SHROOM3: variants seen among roughly 807,000 people sequenced by gnomAD.
SHROOM3 encodes protein Shroom3.
A neutral mutation model predicts 138.6 loss-of-function variants in SHROOM3; 47 were observed. That is an observed-to-expected ratio of 0.34 (90% CI 0.27 to 0.43). The LOEUF is 0.43. Among genes scored for constraint, SHROOM3 ranks in the 20% least tolerant of loss-of-function variants. The pLI, the probability that SHROOM3 is intolerant of heterozygous loss-of-function variation, is 1.00. For synonymous variants in SHROOM3, 1,062 were observed against 1,063.3 expected (o/e 1.00, Z 0.02); for missense variants, 2,491 against 2,596.5 (o/e 0.96, Z 0.88).
At chr4:76,691,147 G>A (rs1422464212) in intron 2 of SHROOM3, among the ~76,000 whole-genome samples, 1 of 152,154 alleles carries the variant, frequency 6.6e-6, no homozygotes, top group Non-Finnish European at 1.5e-5. Context: ...TGGTTAATAT[G>A]TTTATTGGCT....
chr4:76,460,399 C>A (rs375354439), intron 1 of SHROOM3, among the ~76,000 whole-genome samples: 2 of 152,154 alleles, frequency 1.3e-5, no homozygotes, highest in African/African-American at 4.8e-5. Flanking sequence ...ACCACCGTTG[C>A]GACCTTTATG....
chr4:76,494,813 A>T (rs1731930905), intron 1 of SHROOM3, among the ~76,000 whole-genome samples: 1 of 152,174 alleles, frequency 6.6e-6, no homozygotes, highest in Non-Finnish European at 1.5e-5. Flanking sequence ...AATGTGCAAG[A>T]TACAGAATTT....
intron 2 of SHROOM3, among the ~76,000 whole-genome samples, chr4:76,582,546 G>A (rs1423965242): frequency 6.6e-6 from 1 of 152,094 alleles, no homozygotes; most frequent in Non-Finnish European, 1.5e-5. Flanking sequence ...ATTCATCTTG[G>A]TCTGCAGTTC....
chr4:76,669,427 C>A (rs1718811892), intron 2 of SHROOM3, among the ~76,000 whole-genome samples: 1 of 152,090 alleles, frequency 6.6e-6, no homozygotes, highest in African/African-American at 2.4e-5. Context: ...TCAAAACCAG[C>A]CTGGCCAACA....
chr4:76,752,011 T>A (rs1306299139), intron 6 of SHROOM3, among the ~76,000 whole-genome samples: 1 of 152,220 alleles, frequency 6.6e-6, no homozygotes, highest in African/African-American at 2.4e-5. Context: ...TTCACACCCA[T>A]GTTCATAGCA....
chr4:76,568,869 C>A (rs553327194), intron 2 of SHROOM3, among the ~76,000 whole-genome samples: 2 of 152,308 alleles, frequency 1.3e-5, no homozygotes, highest in Admixed American at 6.5e-5. Context: ...GGTTTACAAC[C>A]CTGCCCGTTC....
At chr4:76,618,040 C>T (rs1205999330) in intron 2 of SHROOM3, among the ~76,000 whole-genome samples, 1 of 152,228 alleles carries the variant, frequency 6.6e-6, no homozygotes, top group Non-Finnish European at 1.5e-5. Flanking sequence ...TGGCTCACGC[C>T]TGTAATCCCA....
chr4:76,520,907 T>A (rs935981269), intron 1 of SHROOM3, among the ~76,000 whole-genome samples: 1 of 152,152 alleles, frequency 6.6e-6, no homozygotes, highest in African/African-American at 2.4e-5. Flanking sequence ...TTCCCCAATA[T>A]TTGGGCAGCT....
intron 3 of SHROOM3, among the ~76,000 whole-genome samples, chr4:76,720,562 A>G (rs1431527002): frequency 6.6e-6 from 1 of 151,302 alleles, no homozygotes; most frequent in East Asian, 1.9e-4. Context: ...TCAAATATGC[A>G]TCATCTATTA....
chr4:76,597,125 C>T (rs550246783), intron 2 of SHROOM3, among the ~76,000 whole-genome samples: 1 of 152,306 alleles, frequency 6.6e-6, no homozygotes, highest in South Asian at 2.1e-4. Flanking sequence ...TAAAGAGACT[C>T]AGCAAAAGAG....
At chr4:76,774,603 AT>A (rs1045509065) in intron 10 of SHROOM3, among the ~76,000 whole-genome samples, 1 of 151,672 alleles carries the variant, frequency 6.6e-6, no homozygotes, top group African/African-American at 2.4e-5. Context: ...TATTTTATAT[AT>A]TTTTTAAGGT....
chr4:76,709,377 G>A (rs1720159153), intron 2 of SHROOM3, among the ~76,000 whole-genome samples: 1 of 152,148 alleles, frequency 6.6e-6, no homozygotes, highest in Admixed American at 6.5e-5. Flanking sequence ...CTGATGCAGG[G>A]GACAGTCTGA....
intron 1 of SHROOM3, among the ~76,000 whole-genome samples, chr4:76,454,104 C>T (rs930354384): frequency 6.6e-6 from 1 of 152,142 alleles, no homozygotes; most frequent in Non-Finnish European, 1.5e-5. Flanking sequence ...AGTGCAGTGG[C>T]ACCGTCTCAG....
In SHROOM3 at chr4:76,576,075, C is replaced by T. The variant is rs142225553; in HGVS notation, c.323+20312C>T. Among the ~76,000 whole-genome samples, 368 of 152,202 alleles carry T rather than the reference C, an allele frequency of 2.4e-3. 3 individuals are homozygous for T. The highest frequency in any genetic ancestry group is 4.0e-3 in the Non-Finnish European group (272 of 67,974). The stretch of plus-strand genomic sequence containing the variant: ...GGAATGCAAATTAGTACAACCACTA[C>T]GGAGAACAGTTCAAGGTTTCTCAAA... On this transcript the variant is annotated intron_variant, in intron 2 of 10. Transcript: ENST00000296043.
chr4:76,573,968 A>G (rs1328840956), intron 2 of SHROOM3, among the ~76,000 whole-genome samples: 13 of 152,120 alleles, frequency 8.5e-5, no homozygotes, highest in Admixed American at 7.9e-4. Context: ...GACCTACTCC[A>G]GTGACCTTCT....
intron 2 of SHROOM3, among the ~76,000 whole-genome samples, chr4:76,661,204 C>A (rs1238068927): frequency 6.6e-6 from 1 of 151,958 alleles, no homozygotes; most frequent in Non-Finnish European, 1.5e-5. Flanking sequence ...CTTGTGTAAT[C>A]CACATCCCTA....
chr4:76,755,751 C>T (rs768861026), intron 7 of SHROOM3, among the ~76,000 whole-genome samples: 6 of 152,206 alleles, frequency 3.9e-5, no homozygotes, highest in Non-Finnish European at 7.3e-5. Flanking sequence ...CTCAGCTTCT[C>T]TTTCCAAAAT....
chr4:76,722,623 A>T (rs973591358), intron 3 of SHROOM3, among the ~76,000 whole-genome samples: 2 of 152,146 alleles, frequency 1.3e-5, no homozygotes, highest in Non-Finnish European at 2.9e-5. Context: ...AAGCTTACCT[A>T]TATAACAAAC....
chr4:76,590,133 AAGAG>A (rs1167993637), intron 2 of SHROOM3, among the ~76,000 whole-genome samples: 1 of 152,194 alleles, frequency 6.6e-6, no homozygotes. Context: ...CTGTGACTGA[AAGAG>A]AGAGCATTAA....
Sources: allele counts gnomAD v4.1 joint callset (sites outside exome capture counted in the v4.1 genomes callset), GRCh38; gene constraint gnomAD v4.1.1; transcripts MANE v1.5; gene names NCBI Gene and HGNC (gene_info 2026-07-23, HGNC 2026-07-21).